ARVCF: variants seen among roughly 807,000 people sequenced by gnomAD.
ARVCF encodes the protein splicing regulator ARVCF.
In ARVCF, 66 loss-of-function variants were observed where a neutral mutation model predicts 90.9. The ratio of observed to expected loss-of-function variants is 0.73; its 90% CI spans 0.60 to 0.89. ARVCF has a LOEUF of 0.89. Among genes scored for constraint, ARVCF ranks in the 40% least tolerant of loss-of-function variants. The probability of loss-of-function intolerance (pLI) is 0.00; values close to 1 mark genes in which losing one functional copy is unlikely to be tolerated. For synonymous variants in ARVCF, 653 were observed against 603.4 expected (o/e 1.08, Z -1.21); for missense variants, 1,469 against 1,382.3 (o/e 1.06, Z -1.00).
chr22:19,988,958 T>C (rs1569176891), intron 3 of ARVCF, among the ~76,000 whole-genome samples: 1 of 152,176 alleles, frequency 6.6e-6, no homozygotes, highest in Non-Finnish European at 1.5e-5. Flanking sequence ...CTCCAGGCTG[T>C]GGGAACATCT....
At chr22:20,013,696 G>T (rs143369598) in intron 1 of ARVCF, among the ~76,000 whole-genome samples, 4 of 152,044 alleles carry the variant, frequency 2.6e-5, no homozygotes, top group Admixed American at 6.5e-5. Context: ...GTTATGGAGT[G>T]GGGGGAACTC....
At chr22:20,012,948 A>G (rs1944890199) in intron 1 of ARVCF, among the ~76,000 whole-genome samples, 1 of 152,204 alleles carries the variant, frequency 6.6e-6, no homozygotes, top group East Asian at 1.9e-4. Flanking sequence ...TGGGTAGGCA[A>G]TGAGGGGCCC....
At position 19,981,433 on chromosome 22, in the gene ARVCF, C is replaced by A; in HGVS notation, c.674G>T (p.Gly225Val). The change falls in exon 5 of 20, where the codon GGC becomes GTC. Residue 225 changes from glycine to valine, a missense_variant. By Grantham distance (109) the Gly-to-Val change is moderately radical (BLOSUM62 -3). Coordinates refer to ENST00000263207, the MANE Select transcript of ARVCF (RefSeq NM_001670.3). Reference protein sequence around the residue: ...AGPLGPGPGDGCFTLPGHREA... With the variant: ...AGPLGPGPGDVCFTLPGHREA... ...CCGGTGGCCAGGCAGTGTGAAGCAG[C>A]CATCACCAGGGCCTGGGCCAAGGGG... is the stretch of plus-strand genomic sequence containing the variant. 6.4e-7 allele frequency: 1 copy of A among 1,567,774 alleles called. No individual in the cohort carries two copies. The highest frequency in any genetic ancestry group is 1.1e-5 in the South Asian group (1 of 87,118).
chr22:19,968,854 G>A (rs1360537391), downstream of ARVCF: 6 of 947,730 alleles, frequency 6.3e-6, no homozygotes, highest in African/African-American at 3.2e-5. Flanking sequence ...AGCACACCTC[G>A]GCCGAGGCCT....
chr22:20,000,480 C>G (rs577492647), intron 2 of ARVCF, among the ~76,000 whole-genome samples: 1 of 147,746 alleles, frequency 6.8e-6, no homozygotes, highest in Non-Finnish European at 1.5e-5. Flanking sequence ...AGATTCCAGG[C>G]CCTGCAGCCT....
At chr22:20,001,958 C>T (rs1311018380) in intron 2 of ARVCF, among the ~76,000 whole-genome samples, 3 of 152,142 alleles carry the variant, frequency 2.0e-5, no homozygotes, top group African/African-American at 7.2e-5. Context: ...CAACAGCAAA[C>T]AGGAGAGATG....
intron 2 of ARVCF, among the ~76,000 whole-genome samples, chr22:20,001,144 T>C (rs879696132): frequency 2.0e-5 from 3 of 152,086 alleles, no homozygotes; most frequent in Non-Finnish European, 4.4e-5. Context: ...ATCAGCATGC[T>C]AGGCAGACTC....
intron 3 of ARVCF, among the ~76,000 whole-genome samples, chr22:19,982,565 C>T (rs575616431): frequency 2.4e-4 from 36 of 152,304 alleles, no homozygotes; most frequent in African/African-American, 8.4e-4. Flanking sequence ...CTCACCTGCC[C>T]CAGACACCTT....
chr22:19,970,798 C>T (rs1263909718), intron 19 of ARVCF, 55 bp from the exon 20 acceptor site: 60 of 1,293,800 alleles, frequency 4.6e-5, no homozygotes, highest in Non-Finnish European at 5.5e-5. Flanking sequence ...CACAGGACCA[C>T]GTGTAACCTC....
intron 3 of ARVCF, among the ~76,000 whole-genome samples, chr22:19,984,656 C>G (rs1004587323): frequency 1.3e-5 from 2 of 152,220 alleles, no homozygotes. Context: ...ACAGGCCGAG[C>G]ACATCAACCC....
intron 2 of ARVCF, among the ~76,000 whole-genome samples, chr22:20,002,011 A>C (rs1944463033): frequency 6.6e-6 from 1 of 152,188 alleles, no homozygotes; most frequent in Non-Finnish European, 1.5e-5. Flanking sequence ...GCCCAGGGCC[A>C]AACTTCCACA....
At chr22:19,982,653 C>T (rs189119346) in intron 3 of ARVCF, among the ~76,000 whole-genome samples, 131 of 150,196 alleles carry the variant, frequency 8.7e-4, no homozygotes, top group Non-Finnish European at 1.7e-3. Flanking sequence ...CCGCCACCAA[C>T]GCCAGCCAGA....
intron 1 of ARVCF, among the ~76,000 whole-genome samples, chr22:20,015,106 TCAG>T: frequency 6.6e-6 from 1 of 152,280 alleles, no homozygotes; most frequent in South Asian, 2.1e-4. Flanking sequence ...GGAACCTTGG[TCAG>T]AAGGTCCTTG....
Position 19,972,814 on chromosome 22 carries a change from G to A in ARVCF, c.2564C>T (p.Thr855Ile). 1.2e-6 allele frequency: 2 copies of A among 1,613,592 alleles called. No individual in the cohort carries two copies. The highest frequency in any genetic ancestry group is 1.3e-5 in the African/African-American group (1 of 75,044). The change falls in exon 16 of 20, where the codon ACT (threonine) becomes ATT (isoleucine). Residue 855 changes from threonine to isoleucine, a missense_variant. Physicochemically the swap from Thr to Ile is moderately conservative, Grantham distance 89. Transcript: ENST00000263207. ...CAGTGCTCCCTTAGGCCCCTTGGCA[G>A]TAGCAGCAGCTGACTGAGACATAAA... ...TKARFQSAAA[T>I]AKGPKGALSP...
At position 19,973,745 on chromosome 22, in the gene ARVCF, C is replaced by G; in HGVS notation, c.2137G>C (p.Val713Leu). The G allele has an allele frequency of 6.2e-7, 1 of 1,608,712 alleles. No individual in the cohort carries two copies. The highest frequency in any genetic ancestry group is 8.5e-7 in the Non-Finnish European group (1 of 1,179,926). The change falls in exon 13 of 20, where the codon GTG (valine) becomes CTG (leucine). Residue 713 changes from valine (V) to leucine (L), a missense_variant. Transcript: ENST00000263207. ...TCAGACTGCAGCAGTTCCACAAGCA[C>G]CGGCAGCCCGCGCTCTTTGCGCACT... ...ATVRKERGLPVLVELLQSETD... is the reference protein window; with the variant it reads ...ATVRKERGLPLLVELLQSETD...
intron 1 of ARVCF, among the ~76,000 whole-genome samples, chr22:20,012,357 C>T (rs911710458): frequency 3.3e-5 from 5 of 152,236 alleles, no homozygotes; most frequent in South Asian, 2.1e-4. Flanking sequence ...ACATCAGCAT[C>T]GTACAGGCAG....
At chr22:20,009,273 C>T (rs528757954) in intron 2 of ARVCF, among the ~76,000 whole-genome samples, 166 of 152,364 alleles carry the variant, frequency 1.1e-3, no homozygotes, top group African/African-American at 3.8e-3. Flanking sequence ...TCCCACACAG[C>T]CAGGCGGCAG....
In ARVCF at chr22:19,990,753, G is replaced by C. The variant is rs758598767; in HGVS notation, c.42C>G (p.Ala14=). 4 of 1,588,182 alleles carry C rather than the reference G, an allele frequency of 2.5e-6. No individual in the cohort carries two copies. The South Asian group carries it at 4.5e-5, about 18-fold the overall frequency. ...CNVHSAASIL[A]SVKEQEARFE... ...AGCGGGCCTCCTGCTCCTTCACCGAGGCCAGGATGCTGGCGGCCGAGTGCA... is the reference window on the plus strand; with the variant it reads ...AGCGGGCCTCCTGCTCCTTCACCGACGCCAGGATGCTGGCGGCCGAGTGCA... Residue 14 remains alanine, a synonymous_variant, in exon 3 of 20, where the codon GCC becomes GCG. Transcript: ENST00000263207.
chr22:19,973,345 A>C (rs772492250), intron 13 of ARVCF, 28 bp from the exon 14 acceptor site: 3 of 1,560,668 alleles, frequency 1.9e-6, no homozygotes, highest in Non-Finnish European at 2.6e-6. Context: ...GTGTCAGAAC[A>C]CACCTCTGCC....
Sources: gnomAD v4.1 joint callset for allele counts (sites outside exome capture counted in the v4.1 genomes callset) on GRCh38, gnomAD v4.1.1 for gene constraint, MANE v1.5 for transcripts, NCBI Gene and HGNC (gene_info 2026-07-23, HGNC 2026-07-21) for gene names.